The following NPAS3 variants were observed in gnomAD, a reference collection of about 807,000 sequenced individuals.
The protein encoded by NPAS3 is neuronal PAS domain protein 3.
In NPAS3, 14 loss-of-function variants were observed where a neutral mutation model predicts 73.1. That is an observed-to-expected ratio of 0.19 (90% CI 0.13 to 0.30). NPAS3 has a LOEUF of 0.30. NPAS3 is among the 10% of genes least tolerant of loss of function. NPAS3 has a pLI of 1.00. For missense variants in NPAS3, 1,096 were observed against 1,250.0 expected (o/e 0.88, Z 1.86); for synonymous variants, 620 against 541.5 (o/e 1.14, Z -2.01).
intron 6 of NPAS3, among the ~76,000 whole-genome samples, chr14:33,731,688 A>G (rs1470646899): frequency 6.6e-6 from 1 of 152,168 alleles, no homozygotes; most frequent in African/African-American, 2.4e-5. Context: ...AGTAATTCAG[A>G]TATCATTTCA....
chr14:33,658,715 C>G lies in NPAS3; in HGVS notation c.559-17496C>G, dbSNP rs140271459. On this transcript the variant is annotated intron_variant, in intron 5 of 11. Transcript: ENST00000356141. ...GGGGAGGATGGGGAAGGAAACCACACTGTTCATTAGAGATGCAAAGACTCT... is the reference window on the plus strand; with the variant it reads ...GGGGAGGATGGGGAAGGAAACCACAGTGTTCATTAGAGATGCAAAGACTCT... 1.8e-3 allele frequency among the ~76,000 whole-genome samples: 281 copies of G among 152,260 alleles called. 1 individual carries two copies. The highest frequency in any genetic ancestry group is 6.3e-3 in the African/African-American group (263 of 41,548).
intron 5 of NPAS3, among the ~76,000 whole-genome samples, chr14:33,599,032 C>T (rs950069314): frequency 1.3e-5 from 2 of 152,182 alleles, no homozygotes; most frequent in African/African-American, 2.4e-5. Context: ...GAAGAGAGTG[C>T]ATTTAACTTA....
chr14:33,267,845 A>G (rs1279352994), intron 3 of NPAS3, among the ~76,000 whole-genome samples: 1 of 152,164 alleles, frequency 6.6e-6, no homozygotes, highest in Non-Finnish European at 1.5e-5. Context: ...CTATCGGCAC[A>G]TATTGGGATG....
chr14:33,035,818 G>T lies in NPAS3; in HGVS notation c.51-20087G>T, dbSNP rs142918268. 3.9e-5 allele frequency among the ~76,000 whole-genome samples: 6 copies of T among 152,180 alleles called. No individual in the cohort carries two copies. In the East Asian group the frequency reaches 1.2e-3, roughly 29 times the overall value. On this transcript the variant is annotated intron_variant, in intron 1 of 11. Transcript: ENST00000356141. ...GCAGCATCTTTACACTCTGGGCTTT[G>T]GGTACGGGGGACGCCTTTACAATAT...
intron 2 of NPAS3, among the ~76,000 whole-genome samples, chr14:33,086,222 T>C (rs1184347625): frequency 1.3e-5 from 2 of 152,206 alleles, no homozygotes; most frequent in Non-Finnish European, 2.9e-5. Flanking sequence ...TTACAAAAAA[T>C]ATTTTTGCTT....
In NPAS3 at chr14:33,037,658, C is replaced by G. The variant is rs193281141; in HGVS notation, c.51-18247C>G. On this transcript the variant is annotated intron_variant, in intron 1 of 11. Transcript: ENST00000356141. ...TCTAGTCTGGGCAACGGAGGCAGAC[C>G]CTGTCTCGAAAAAGAAGAAAAAAGA... 5.2e-4 allele frequency among the ~76,000 whole-genome samples: 79 copies of G among 151,890 alleles called. No individual in the cohort carries two copies. In the East Asian group the frequency reaches 0.012, roughly 23 times the overall value.
In NPAS3 at chr14:33,092,937, T is replaced by C. The variant is rs2042279244; in HGVS notation, c.140+36943T>C. Among the ~76,000 whole-genome samples, 3 of 152,166 alleles carry C rather than the reference T, an allele frequency of 2.0e-5. No homozygotes were observed. The South Asian group carries it at 6.2e-4, about 31-fold the overall frequency. ...TCATATATGTAAAGCTGAAACTGGA[T>C]CCCTTCCTTACACCTTATACAAAAA... On this transcript the variant is annotated intron_variant, in intron 2 of 11. Transcript: ENST00000356141.
intron 3 of NPAS3, among the ~76,000 whole-genome samples, chr14:33,262,348 C>T (rs1594540143): frequency 6.6e-6 from 1 of 152,242 alleles, no homozygotes; most frequent in African/African-American, 2.4e-5. Context: ...ACTTTTTGCT[C>T]CATTGTTTTA....
At chr14:33,708,455 A>T (rs1436842212) in intron 6 of NPAS3, among the ~76,000 whole-genome samples, 1 of 152,182 alleles carries the variant, frequency 6.6e-6, no homozygotes, top group African/African-American at 2.4e-5. Context: ...AAGTGTTAAA[A>T]TTATGTTACA....
At chr14:33,665,040 A>G (rs2059414647) in intron 5 of NPAS3, among the ~76,000 whole-genome samples, 1 of 152,264 alleles carries the variant, frequency 6.6e-6, no homozygotes, top group Non-Finnish European at 1.5e-5. Flanking sequence ...TCATTCTGCT[A>G]TAAAGACACA....
chr14:33,678,677 T>G (rs28594586), intron 6 of NPAS3, among the ~76,000 whole-genome samples: 24,055 of 151,428 alleles, frequency 0.16, 3,056 homozygotes, highest in African/African-American at 0.36. Context: ...TTGGTCTTCT[T>G]GGAAGCTAGA....
At chr14:33,033,080 T>C (rs932545703) in intron 1 of NPAS3, among the ~76,000 whole-genome samples, 20 of 152,210 alleles carry the variant, frequency 1.3e-4, no homozygotes, top group African/African-American at 4.8e-4. Flanking sequence ...GCCCAATCTC[T>C]TTATGTTGAC....
At chr14:33,500,361 T>A (rs2052450838) in intron 4 of NPAS3, among the ~76,000 whole-genome samples, 1 of 151,836 alleles carries the variant, frequency 6.6e-6, no homozygotes, top group Admixed American at 6.6e-5. Flanking sequence ...CAAAGTAGGT[T>A]TATATGCTCC....
intron 4 of NPAS3, among the ~76,000 whole-genome samples, chr14:33,436,406 G>A (rs915048851): frequency 3.3e-5 from 5 of 152,152 alleles, no homozygotes; most frequent in African/African-American, 7.2e-5. Context: ...ACCTTTTGAC[G>A]TTAATATTTT....
chr14:33,147,754 T>TATATATATATATATATATATATATAC (rs368950295), intron 2 of NPAS3, among the ~76,000 whole-genome samples: 1 of 142,440 alleles, frequency 7.0e-6, no homozygotes, highest in African/African-American at 2.7e-5. Context: ...TATATATATA[T>TATATATATATATATATATATATATAC]ACACACAAAA....
chr14:33,608,836 G>A (rs1457279972), intron 5 of NPAS3, among the ~76,000 whole-genome samples: 1 of 152,142 alleles, frequency 6.6e-6, no homozygotes, highest in Non-Finnish European at 1.5e-5. Context: ...TGCTACAAAT[G>A]TTCCTTCCCC....
intron 4 of NPAS3, among the ~76,000 whole-genome samples, chr14:33,403,741 C>T (rs1229947685): frequency 2.6e-5 from 4 of 151,946 alleles, no homozygotes; most frequent in Non-Finnish European, 4.4e-5. Context: ...CAGGACATAC[C>T]TTCATGAATG....
chr14:33,377,375 A>C (rs898458448), intron 4 of NPAS3, among the ~76,000 whole-genome samples: 1 of 152,206 alleles, frequency 6.6e-6, no homozygotes, highest in East Asian at 1.9e-4. Context: ...AAATGAGGAT[A>C]AACACCCAAT....
At chr14:33,039,725 T>A (rs2040288688) in intron 1 of NPAS3, among the ~76,000 whole-genome samples, 1 of 152,226 alleles carries the variant, frequency 6.6e-6, no homozygotes, top group Admixed American at 6.5e-5. Flanking sequence ...TGTAGTCGTC[T>A]TCTAATTATG....
Sources: gnomAD v4.1 joint callset for allele counts (sites outside exome capture counted in the v4.1 genomes callset) on GRCh38, gnomAD v4.1.1 for gene constraint, MANE v1.5 for transcripts, NCBI Gene and HGNC (gene_info 2026-07-23, HGNC 2026-07-21) for gene names.